Variants in RETREG1 observed in about 807,000 individuals in gnomAD.
RETREG1 encodes reticulophagy regulator 1.
A neutral mutation model predicts 54.8 loss-of-function variants in RETREG1; 44 were observed. The ratio of observed to expected loss-of-function variants is 0.80; its 90% CI spans 0.63 to 1.03. RETREG1 has a LOEUF of 1.03. Ranked by LOEUF, RETREG1 falls within the 50% of genes least tolerant of loss-of-function variation. The probability of loss-of-function intolerance (pLI) is 0.00; values close to 1 mark genes in which losing one functional copy is unlikely to be tolerated. For synonymous variants in RETREG1, 217 were observed against 238.5 expected (o/e 0.91, Z 0.83); for missense variants, 554 against 605.1 (o/e 0.92, Z 0.89).
intron 3 of RETREG1, chr5:16,508,866 A>G: frequency 4.4e-6 from 6 of 1,374,418 alleles, no homozygotes; most frequent in Non-Finnish European, 5.6e-6. Context: ...GCCCCCTTCT[A>G]AAAATAAATA....
chr5:16,569,667 T>C (rs1273577241), intron 2 of RETREG1, among the ~76,000 whole-genome samples: 1 of 152,176 alleles, frequency 6.6e-6, no homozygotes, highest in Admixed American at 6.5e-5. Context: ...TCAGATGGTA[T>C]AGGAGGCTGA....
chr5:16,504,996 T>C (rs1027050296), intron 3 of RETREG1, among the ~76,000 whole-genome samples: 1 of 152,216 alleles, frequency 6.6e-6, no homozygotes, highest in African/African-American at 2.4e-5. Context: ...GCAGAATATA[T>C]TTAAGTCAAT....
chr5:16,523,969 C>T (rs1189258220), intron 3 of RETREG1, among the ~76,000 whole-genome samples: 2 of 152,168 alleles, frequency 1.3e-5, no homozygotes, highest in Admixed American at 6.5e-5. Context: ...AAGGAGCCAC[C>T]TCTCTGCCTC....
chr5:16,555,055 C>G (rs1741667467), intron 3 of RETREG1, among the ~76,000 whole-genome samples: 1 of 140,386 alleles, frequency 7.1e-6, no homozygotes, highest in African/African-American at 2.7e-5. Flanking sequence ...TTAGTTGCCA[C>G]TCAACCCATT....
At chr5:16,527,187 G>T (rs1740741691) in intron 3 of RETREG1, among the ~76,000 whole-genome samples, 1 of 152,186 alleles carries the variant, frequency 6.6e-6, no homozygotes, top group Non-Finnish European at 1.5e-5. Context: ...TAGAGATGGG[G>T]TCAAAGCACC....
At chr5:16,604,045 T>C (rs1413528704) in intron 1 of RETREG1, among the ~76,000 whole-genome samples, 4 of 152,186 alleles carry the variant, frequency 2.6e-5, no homozygotes, top group Non-Finnish European at 4.4e-5. Flanking sequence ...AAATTTTACT[T>C]GGAAAAATAA....
At chr5:16,501,122 C>T (rs1739693325) in intron 3 of RETREG1, among the ~76,000 whole-genome samples, 1 of 152,148 alleles carries the variant, frequency 6.6e-6, no homozygotes, top group Admixed American at 6.5e-5. Flanking sequence ...TTGTTAACAA[C>T]TACTTTTGAG....
intron 3 of RETREG1, among the ~76,000 whole-genome samples, chr5:16,515,830 C>T (rs944585378): frequency 2.6e-5 from 4 of 152,028 alleles, no homozygotes. Flanking sequence ...AGGGAAATGA[C>T]AGAAAACCGT....
At chr5:16,482,754 A>G (rs1270665932) in intron 4 of RETREG1, among the ~76,000 whole-genome samples, 1 of 152,130 alleles carries the variant, frequency 6.6e-6, no homozygotes, top group Non-Finnish European at 1.5e-5. Flanking sequence ...GCCTTTATGC[A>G]TAAAATAATA....
intron 3 of RETREG1, among the ~76,000 whole-genome samples, chr5:16,563,418 C>A (rs1741922909): frequency 6.6e-6 from 1 of 151,746 alleles, no homozygotes; most frequent in Non-Finnish European, 1.5e-5. Context: ...CCACCATGCC[C>A]AGCTAATTTT....
intron 3 of RETREG1, among the ~76,000 whole-genome samples, chr5:16,506,918 C>A (rs1382378585): frequency 3.3e-5 from 5 of 152,046 alleles, no homozygotes; most frequent in Admixed American, 6.6e-5. Context: ...CATTTTCAAT[C>A]CAATATATTA....
At chr5:16,528,294 C>A (rs1022115570) in intron 3 of RETREG1, among the ~76,000 whole-genome samples, 1 of 152,092 alleles carries the variant, frequency 6.6e-6, no homozygotes, top group African/African-American at 2.4e-5. Flanking sequence ...CATATATTAA[C>A]ATAACTAAAT....
At chr5:16,562,171 C>T (rs1462234663) in intron 3 of RETREG1, among the ~76,000 whole-genome samples, 3 of 152,098 alleles carry the variant, frequency 2.0e-5, no homozygotes, top group Non-Finnish European at 4.4e-5. Flanking sequence ...CAAAATTAGC[C>T]AGGCGTGGTG....
chr5:16,505,777 G>A (rs1286518283), intron 3 of RETREG1, among the ~76,000 whole-genome samples: 2 of 152,094 alleles, frequency 1.3e-5, no homozygotes, highest in African/African-American at 4.8e-5. Context: ...CTCTGGCCAG[G>A]GTACACGTTT....
At chr5:16,494,529 G>A (rs55975193) in intron 3 of RETREG1, among the ~76,000 whole-genome samples, 3,086 of 152,234 alleles carry the variant, frequency 0.02, 46 homozygotes, top group Middle Eastern at 0.041. Flanking sequence ...TTTAAAGAAC[G>A]TGTGGCACCG....
At chr5:16,513,557 C>A (rs187598606) in intron 3 of RETREG1, among the ~76,000 whole-genome samples, 1 of 152,196 alleles carries the variant, frequency 6.6e-6, no homozygotes, top group Non-Finnish European at 1.5e-5. Flanking sequence ...ACCAGCCATC[C>A]GATGGACCGG....
intron 3 of RETREG1, among the ~76,000 whole-genome samples, chr5:16,511,821 G>A (rs1012783313): frequency 6.6e-6 from 1 of 152,094 alleles, no homozygotes; most frequent in African/African-American, 2.4e-5. Flanking sequence ...CAGGCACATC[G>A]CATGGCCAGA....
intron 3 of RETREG1, among the ~76,000 whole-genome samples, chr5:16,523,307 C>A (rs1189307373): frequency 1.3e-5 from 2 of 152,126 alleles, no homozygotes; most frequent in Non-Finnish European, 2.9e-5. Context: ...AGGCACCACG[C>A]CACATTCAAT....
chr5:16,590,219 G>A (rs1742725942), intron 1 of RETREG1, among the ~76,000 whole-genome samples: 1 of 152,110 alleles, frequency 6.6e-6, no homozygotes, highest in South Asian at 2.1e-4. Flanking sequence ...AGTATTTGAG[G>A]GTCAGGGCAA....
Sources: gnomAD v4.1 joint callset for allele counts (sites outside exome capture counted in the v4.1 genomes callset) on GRCh38, gnomAD v4.1.1 for gene constraint, MANE v1.5 for transcripts, NCBI Gene and HGNC (gene_info 2026-07-23, HGNC 2026-07-21) for gene names.